ADAMTS2: variants seen among roughly 807,000 people sequenced by gnomAD.
ADAMTS2 encodes the protein A disintegrin and metalloproteinase with thrombospondin motifs 2.
ADAMTS2 carries 50 observed loss-of-function variants against 123.0 expected under a neutral mutation model. The ratio of observed to expected loss-of-function variants is 0.41; its 90% CI spans 0.32 to 0.51. The LOEUF (loss-of-function observed/expected upper bound fraction) is 0.51. Among genes scored for constraint, ADAMTS2 ranks in the 20% least tolerant of loss-of-function variants. The pLI, the probability that ADAMTS2 is intolerant of heterozygous loss-of-function variation, is 0.35. For missense variants in ADAMTS2, 1,494 were observed against 1,705.2 expected (o/e 0.88, Z 2.18); for synonymous variants, 678 against 695.4 (o/e 0.98, Z 0.39).
intron 3 of ADAMTS2, 39 bp from the exon 4 acceptor site, chr5:179,207,754 C>A (rs754852567): frequency 1.9e-6 from 3 of 1,588,016 alleles, no homozygotes; most frequent in East Asian, 2.2e-5. Flanking sequence ...GCAGGGCAAA[C>A]CCACCCGGAC....
intron 2 of ADAMTS2, among the ~76,000 whole-genome samples, chr5:179,325,358 G>A (rs1291495749): frequency 6.6e-6 from 1 of 152,204 alleles, no homozygotes; most frequent in Non-Finnish European, 1.5e-5. Context: ...GCAGCTGGAA[G>A]GGAGTGGGAG....
chr5:179,152,066 G>A (rs1328366504), intron 10 of ADAMTS2, 76 bp downstream of exon 10: 6 of 1,375,558 alleles, frequency 4.4e-6, no homozygotes, highest in Non-Finnish European at 6.2e-6. Flanking sequence ...TTCAGGGCCT[G>A]TCCCTGGTGA....
At position 179,329,813 on chromosome 5, in the gene ADAMTS2, G is replaced by A. The variant is rs144791046; in HGVS notation, c.534+13954C>T. The stretch of plus-strand genomic sequence containing the variant: ...CTTCAGAGGAGGAAAGTTGGGGGCC[G>A]TAACCACCAGCCATTAAAGAAACAA... On this transcript the variant is annotated intron_variant, in intron 2 of 21. Transcript: ENST00000251582. Among the ~76,000 whole-genome samples the A allele has an allele frequency of 6.8e-3, 1,043 of 152,280 alleles. 15 individuals are homozygous for A. The highest frequency in any genetic ancestry group is 0.023 in the African/African-American group (940 of 41,564).
At chr5:179,119,887 C>A (rs941401867) in intron 21 of ADAMTS2, among the ~76,000 whole-genome samples, 2 of 152,288 alleles carry the variant, frequency 1.3e-5, no homozygotes, top group East Asian at 3.9e-4. Context: ...CCATATAGAA[C>A]CTAGATATTC....
chr5:179,276,590 C>T (rs1766701459), intron 2 of ADAMTS2, among the ~76,000 whole-genome samples: 1 of 152,164 alleles, frequency 6.6e-6, no homozygotes, highest in African/African-American at 2.4e-5. Flanking sequence ...GGCCACGCCT[C>T]CACCCAAGTG....
intron 5 of ADAMTS2, among the ~76,000 whole-genome samples, chr5:179,169,646 G>A (rs565352686): frequency 6.6e-5 from 10 of 152,210 alleles, no homozygotes; most frequent in African/African-American, 2.2e-4. Context: ...AGATCCCCAG[G>A]GCCCTTGATA....
chr5:179,168,748 C>A (rs532346357), intron 5 of ADAMTS2, among the ~76,000 whole-genome samples: 1 of 152,292 alleles, frequency 6.6e-6, no homozygotes, highest in South Asian at 2.1e-4. Flanking sequence ...ACCATCCCTG[C>A]TCTGTGAGCA....
chr5:179,324,545 C>T (rs1339567864), intron 2 of ADAMTS2, among the ~76,000 whole-genome samples: 1 of 152,092 alleles, frequency 6.6e-6, no homozygotes, highest in Non-Finnish European at 1.5e-5. Context: ...TGCCCGCCAC[C>T]ACGCCCGGCT....
intron 19 of ADAMTS2, among the ~76,000 whole-genome samples, chr5:179,123,430 T>C (rs1186558491): frequency 6.6e-6 from 1 of 152,216 alleles, no homozygotes; most frequent in Non-Finnish European, 1.5e-5. Flanking sequence ...TTTGTTTCTT[T>C]TGTTGTTGGT....
intron 3 of ADAMTS2, among the ~76,000 whole-genome samples, chr5:179,251,015 G>A (rs1765909013): frequency 6.6e-6 from 1 of 152,214 alleles, no homozygotes; most frequent in Non-Finnish European, 1.5e-5. Context: ...CCTCGGCAAA[G>A]GCAAAGCCTC....
At chr5:179,190,806 T>TCCAC (rs1173153337) in intron 4 of ADAMTS2, among the ~76,000 whole-genome samples, 2 of 152,248 alleles carry the variant, frequency 1.3e-5, no homozygotes, top group African/African-American at 4.8e-5. Context: ...CACAGAATGG[T>TCCAC]CCACCTGGGC....
At chr5:179,254,573 G>A (rs1766001663) in intron 3 of ADAMTS2, among the ~76,000 whole-genome samples, 1 of 152,158 alleles carries the variant, frequency 6.6e-6, no homozygotes, top group African/African-American at 2.4e-5. Flanking sequence ...ATGCTTGTAG[G>A]AGGTCAGAAG....
intron 4 of ADAMTS2, among the ~76,000 whole-genome samples, chr5:179,204,397 C>T (rs562403869): frequency 6.6e-6 from 1 of 152,330 alleles, no homozygotes; most frequent in Admixed American, 6.5e-5. Context: ...TCTCTTGGAA[C>T]AAATAAGAAG....
At chr5:179,160,778 G>A (rs1763577788) in intron 5 of ADAMTS2, among the ~76,000 whole-genome samples, 1 of 152,216 alleles carries the variant, frequency 6.6e-6, no homozygotes, top group Non-Finnish European at 1.5e-5. Context: ...GCTGGAGGAG[G>A]GCAAGGGGAG....
At chr5:179,337,474 G>T (rs963931447) in intron 2 of ADAMTS2, among the ~76,000 whole-genome samples, 1 of 152,158 alleles carries the variant, frequency 6.6e-6, no homozygotes, top group African/African-American at 2.4e-5. Flanking sequence ...GACATGCAGA[G>T]GCAACATGTA....
In ADAMTS2 at chr5:179,132,673, T is replaced by A; in HGVS notation, c.2209+104A>T. The A allele has an allele frequency of 6.6e-7, 1 of 1,507,956 alleles. No homozygotes were observed. Among genetic ancestry groups the A allele is most frequent in the Non-Finnish European group, 9.1e-7 (1 of 1,098,142 alleles). The allele number at this position is 1,507,956 out of a possible 1,614,324, so 93.4% of individuals were successfully genotyped here. A position where few individuals can be genotyped will look rare whatever the true frequency, so the allele number is the denominator to read the frequency against. ...AGACCTCTCCCCCTCCCCAGAACAG[T>A]CATAAGCCCGGACAGCCCCAGGATG... On this transcript the variant is annotated intron_variant, in intron 14 of 21. Coordinates refer to ENST00000251582, the MANE Select transcript of ADAMTS2 (RefSeq NM_014244.5). This position sits in a 1 kb window ranked among gnomAD's most constrained non-coding sequence, Gnocchi z 6.1.
chr5:179,173,212 TTAATAATAATAATAATAA>T (rs71589488), intron 5 of ADAMTS2, among the ~76,000 whole-genome samples: 2 of 145,164 alleles, frequency 1.4e-5, no homozygotes, highest in African/African-American at 2.6e-5. Context: ...ACCCCATCTC[TTAATAATAATAATAATAA>T]TAATAATAAT....
chr5:179,177,451 A>C (rs1763957398), intron 5 of ADAMTS2, among the ~76,000 whole-genome samples: 1 of 152,226 alleles, frequency 6.6e-6, no homozygotes, highest in Admixed American at 6.5e-5. Context: ...TTCAGAATAC[A>C]TGAGTTTACA....
At chr5:179,240,720 C>G (rs1055349407) in intron 3 of ADAMTS2, among the ~76,000 whole-genome samples, 2 of 152,196 alleles carry the variant, frequency 1.3e-5, no homozygotes, top group Admixed American at 1.3e-4. Context: ...CGTGTCAGTG[C>G]GTGTGGATCT....
Sources: gnomAD v4.1 joint callset for allele counts (sites outside exome capture counted in the v4.1 genomes callset) on GRCh38, gnomAD v4.1.1 for gene constraint, Gnocchi (gnomAD v3.1) non-coding constraint, MANE v1.5 for transcripts, NCBI Gene and HGNC (gene_info 2026-07-23, HGNC 2026-07-21) for gene names.